SLC5A4: variants seen among roughly 807,000 people sequenced by gnomAD.
The protein encoded by SLC5A4 is probable glucose sensor protein SLC5A4.
In SLC5A4, 55 loss-of-function variants were observed where a neutral mutation model predicts 70.3. The observed-to-expected ratio is 0.78, with a 90% CI of 0.63 to 0.98. The LOEUF is 0.98. Among genes scored for constraint, SLC5A4 ranks in the 50% least tolerant of loss-of-function variants. The pLI is 0.00. For missense variants in SLC5A4, 735 were observed against 839.2 expected (o/e 0.88, Z 1.53); for synonymous variants, 268 against 305.7 (o/e 0.88, Z 1.29).
At chr22:32,279,666 C>G in the SLC5A4 span, among the ~76,000 whole-genome samples, 2 of 152,202 alleles carry the variant, frequency 1.3e-5, no homozygotes, top group African/African-American at 4.8e-5. Flanking sequence ...GGGCAGAACC[C>G]TCATGATCCA....
In SLC5A4 at chr22:32,226,438, A is replaced by G. The variant is rs150686106; in HGVS notation, c.1281-615T>C. Among the ~76,000 whole-genome samples, 97 of 152,330 alleles carry G rather than the reference A, an allele frequency of 6.4e-4. 1 individual carries two copies. The highest frequency in any genetic ancestry group is 2.2e-3 in the African/African-American group (93 of 41,568). ...GTTCTGTGAGTAAATGAACCGACGC[A>G]ATTTACTGCAGTGTGCGTAAAAGGC... On this transcript the variant is annotated intron_variant, in intron 11 of 14. Coordinates refer to ENST00000266086, the MANE Select transcript of SLC5A4 (RefSeq NM_014227.3).
chr22:32,338,049 TTTAC>T, the SLC5A4 span, among the ~76,000 whole-genome samples: 8,758 of 152,208 alleles, frequency 0.058, 768 homozygotes, highest in African/African-American at 0.19. Context: ...ACTGGATATG[TTTAC>T]TTGTTTTAAT....
chr22:32,309,820 G>A, the SLC5A4 span, among the ~76,000 whole-genome samples: 1 of 152,016 alleles, frequency 6.6e-6, no homozygotes, highest in South Asian at 2.1e-4. Context: ...GCTTGTGGGG[G>A]TGACCTGCGG....
At chr22:32,312,549 A>G in the SLC5A4 span, among the ~76,000 whole-genome samples, 1 of 152,160 alleles carries the variant, frequency 6.6e-6, no homozygotes, top group Non-Finnish European at 1.5e-5. Flanking sequence ...TGAGGCCACA[A>G]TGAGTCACCT....
At chr22:32,307,048 C>A in the SLC5A4 span, among the ~76,000 whole-genome samples, 1 of 152,118 alleles carries the variant, frequency 6.6e-6, no homozygotes, top group South Asian at 2.1e-4. Context: ...TAGGGTCATT[C>A]AACAGGGTAC....
the SLC5A4 span, among the ~76,000 whole-genome samples, chr22:32,326,003 C>A: frequency 6.6e-6 from 1 of 152,208 alleles, no homozygotes; most frequent in Non-Finnish European, 1.5e-5. Flanking sequence ...GGAGGGTCTG[C>A]AGCTGGCAGG....
At chr22:32,272,604 C>A in the SLC5A4 span, 1 of 614,708 alleles carries the variant, frequency 1.6e-6, no homozygotes. Flanking sequence ...GCTGGGTTTT[C>A]TGGTGTCTGA....
the SLC5A4 span, among the ~76,000 whole-genome samples, chr22:32,306,040 C>T: frequency 6.6e-6 from 1 of 152,106 alleles, no homozygotes; most frequent in Non-Finnish European, 1.5e-5. Context: ...CCTCCATCCT[C>T]CCCTACAGAA....
the SLC5A4 span, among the ~76,000 whole-genome samples, chr22:32,307,636 C>T: frequency 6.6e-6 from 1 of 152,158 alleles, no homozygotes; most frequent in African/African-American, 2.4e-5. Context: ...GGGTCACAAC[C>T]CCCAAAGTTG....
At chr22:32,272,989 G>A in the SLC5A4 span, 2 of 540,508 alleles carry the variant, frequency 3.7e-6, no homozygotes, top group East Asian at 1.0e-4. Context: ...ACGGGGAGCT[G>A]CTCAACCGCT....
At chr22:32,305,165 A>T in the SLC5A4 span, among the ~76,000 whole-genome samples, 72,879 of 151,916 alleles carry the variant, frequency 0.48, 17,642 homozygotes, top group Admixed American at 0.51. Flanking sequence ...ATGTACTTTT[A>T]AAAAAATTTC....
chr22:32,271,466 C>T, the SLC5A4 span: 1 of 750,854 alleles, frequency 1.3e-6, no homozygotes, highest in Non-Finnish European at 2.4e-6. Context: ...AGGGCAATCT[C>T]AAAGTCCACT....
At chr22:32,302,706 T>C in the SLC5A4 span, among the ~76,000 whole-genome samples, 1 of 152,246 alleles carries the variant, frequency 6.6e-6, no homozygotes, top group Non-Finnish European at 1.5e-5. Flanking sequence ...CAAAACTACG[T>C]AGACTTGATT....
At chr22:32,309,472 A>C in the SLC5A4 span, among the ~76,000 whole-genome samples, 3 of 152,048 alleles carry the variant, frequency 2.0e-5, no homozygotes, top group Non-Finnish European at 4.4e-5. Flanking sequence ...GTTGCTAAAA[A>C]CCGGTAACTC....
At chr22:32,279,567 G>T in the SLC5A4 span, among the ~76,000 whole-genome samples, 1 of 152,072 alleles carries the variant, frequency 6.6e-6, no homozygotes, top group Non-Finnish European at 1.5e-5. Flanking sequence ...GAGGTGGGCG[G>T]ATCACCTGAG....
intron 5 of SLC5A4, among the ~76,000 whole-genome samples, chr22:32,240,145 G>T (rs1047670914): frequency 1.3e-5 from 2 of 151,988 alleles, no homozygotes; most frequent in African/African-American, 4.8e-5. Context: ...GAATTGGGGG[G>T]TTAGTTATGA....
the SLC5A4 span, among the ~76,000 whole-genome samples, chr22:32,297,130 C>A: frequency 6.6e-6 from 1 of 151,912 alleles, no homozygotes; most frequent in Non-Finnish European, 1.5e-5. Context: ...TTTGTTGTGT[C>A]TCTGCCTGGC....
chr22:32,265,932 A>G, the SLC5A4 span, among the ~76,000 whole-genome samples: 1 of 152,368 alleles, frequency 6.6e-6, no homozygotes, highest in East Asian at 1.9e-4. Context: ...GACCACATCA[A>G]TACAAATAAG....
At chr22:32,324,962 G>A in the SLC5A4 span, among the ~76,000 whole-genome samples, 1 of 152,266 alleles carries the variant, frequency 6.6e-6, no homozygotes, top group African/African-American at 2.4e-5. Flanking sequence ...ATGCGGGGCT[G>A]TAGCCTGTGA....
Sources: gnomAD v4.1 joint callset for allele counts (sites outside exome capture counted in the v4.1 genomes callset) on GRCh38, gnomAD v4.1.1 for gene constraint, MANE v1.5 for transcripts, NCBI Gene and HGNC (gene_info 2026-07-23, HGNC 2026-07-21) for gene names.